Variants in SETBP1 observed in about 807,000 individuals in gnomAD.
SETBP1 encodes the protein SET-binding protein.
A neutral mutation model predicts 101.0 loss-of-function variants in SETBP1; 9 were observed. The observed-to-expected ratio is 0.09, with a 90% CI of 0.05 to 0.16. The LOEUF is 0.16. Ranked by LOEUF, SETBP1 falls within the 10% of genes least tolerant of loss-of-function variation. The pLI, the probability that SETBP1 is intolerant of heterozygous loss-of-function variation, is 1.00. For synonymous variants in SETBP1, 818 were observed against 788.5 expected (o/e 1.04, Z -0.63); for missense variants, 1,858 against 2,033.8 (o/e 0.91, Z 1.66).
At chr18:45,027,068 T>C (rs2073180987) in intron 4 of SETBP1, among the ~76,000 whole-genome samples, 2 of 152,208 alleles carry the variant, frequency 1.3e-5, no homozygotes, top group Admixed American at 1.3e-4. Flanking sequence ...ATGATGTCAT[T>C]GGACACTTCT....
At chr18:44,802,154 A>T (rs2071620379) in intron 2 of SETBP1, among the ~76,000 whole-genome samples, 1 of 151,904 alleles carries the variant, frequency 6.6e-6, no homozygotes, top group African/African-American at 2.4e-5. Context: ...TGCTTCCATC[A>T]TTTTTTTTGC....
At chr18:44,884,700 G>A (rs1172149102) in intron 3 of SETBP1, among the ~76,000 whole-genome samples, 2 of 152,184 alleles carry the variant, frequency 1.3e-5, no homozygotes, top group Non-Finnish European at 2.9e-5. Flanking sequence ...CATGGCAAAT[G>A]TGTCAGTGAA....
intron 4 of SETBP1, among the ~76,000 whole-genome samples, chr18:44,992,747 TAC>T (rs2072406404): frequency 6.6e-6 from 1 of 152,072 alleles, no homozygotes; most frequent in African/African-American, 2.4e-5. Flanking sequence ...CCAAACGTTT[TAC>T]AGTTAGTTCT....
At chr18:44,981,926 T>C (rs2072122329) in intron 4 of SETBP1, among the ~76,000 whole-genome samples, 1 of 152,222 alleles carries the variant, frequency 6.6e-6, no homozygotes, top group Non-Finnish European at 1.5e-5. Context: ...TGCTTCACTG[T>C]AGCATCTTTC....
At chr18:44,696,281 A>T (rs937362569) in intron 1 of SETBP1, among the ~76,000 whole-genome samples, 2 of 152,178 alleles carry the variant, frequency 1.3e-5, no homozygotes, top group South Asian at 4.1e-4. Context: ...ACTCAATAAT[A>T]ATACCTATGA....
At chr18:44,994,313 T>A (rs941650026) in intron 4 of SETBP1, among the ~76,000 whole-genome samples, 10 of 152,132 alleles carry the variant, frequency 6.6e-5, no homozygotes, top group Non-Finnish European at 1.3e-4. Flanking sequence ...CCAGGAAAAT[T>A]ACAATCAGGA....
At chr18:45,026,290 A>G (rs1413307922) in intron 4 of SETBP1, among the ~76,000 whole-genome samples, 1 of 152,196 alleles carries the variant, frequency 6.6e-6, no homozygotes, top group Non-Finnish European at 1.5e-5. Context: ...GGTTTCTTGA[A>G]GTCTCAGAAT....
At position 44,741,996 on chromosome 18, in the gene SETBP1, G is replaced by T. The variant is rs1278685296; in HGVS notation, c.486+40164G>T. The stretch of plus-strand genomic sequence containing the variant: ...ACGGAGGTGGAGGTGGGTGCAGCAC[G>T]CACAGATGTGTCTGTAGACTCCCCT... On this transcript the variant is annotated intron_variant, in intron 2 of 5. Transcript: ENST00000649279. Among the ~76,000 whole-genome samples, 2 of 152,158 alleles carry T rather than the reference G, an allele frequency of 1.3e-5. 1 individual carries two copies. The highest frequency in any genetic ancestry group is 1.3e-4 in the Admixed American group (2 of 15,284).
At chr18:44,975,074 A>G (rs1157604880) in intron 4 of SETBP1, among the ~76,000 whole-genome samples, 2 of 152,340 alleles carry the variant, frequency 1.3e-5, no homozygotes, top group Non-Finnish European at 2.9e-5. Context: ...GTGTGTAAAG[A>G]TCAGTAAGGG....
At chr18:44,693,773 A>T (rs1342775630) in intron 1 of SETBP1, among the ~76,000 whole-genome samples, 1 of 152,206 alleles carries the variant, frequency 6.6e-6, no homozygotes, top group East Asian at 1.9e-4. Flanking sequence ...ATCTTTTTAC[A>T]CCATTTGCTT....
At chr18:45,041,068 G>A (rs1192671233) in intron 5 of SETBP1, among the ~76,000 whole-genome samples, 2 of 152,198 alleles carry the variant, frequency 1.3e-5, no homozygotes, top group Non-Finnish European at 2.9e-5. Context: ...AAGAAACTGA[G>A]GCCTCTTGAG....
chr18:44,920,596 G>A (rs905789241), intron 3 of SETBP1, among the ~76,000 whole-genome samples: 1 of 152,072 alleles, frequency 6.6e-6, no homozygotes, highest in Non-Finnish European at 1.5e-5. Context: ...AAAAACAAGA[G>A]CCCAGTGGTT....
chr18:44,975,027 T>C (rs2071955607), intron 4 of SETBP1, among the ~76,000 whole-genome samples: 1 of 152,212 alleles, frequency 6.6e-6, no homozygotes, highest in Non-Finnish European at 1.5e-5. Context: ...CTTTATTAAC[T>C]TCTATACACG....
At chr18:44,767,194 C>G (rs763195895) in intron 2 of SETBP1, among the ~76,000 whole-genome samples, 6 of 152,214 alleles carry the variant, frequency 3.9e-5, no homozygotes, top group Non-Finnish European at 5.9e-5. Context: ...CTGGGGATGT[C>G]CAAGCACAGA....
intron 3 of SETBP1, among the ~76,000 whole-genome samples, chr18:44,906,482 G>T (rs1036385728): frequency 6.6e-6 from 1 of 152,100 alleles, no homozygotes; most frequent in East Asian, 1.9e-4. Flanking sequence ...GCTCACTTTC[G>T]TCAGGAGAGA....
intron 2 of SETBP1, among the ~76,000 whole-genome samples, chr18:44,794,134 G>A (rs1280243251): frequency 6.6e-6 from 1 of 152,130 alleles, no homozygotes; most frequent in East Asian, 1.9e-4. Context: ...CTAAATAAGA[G>A]GGGGAATGGG....
chr18:44,883,759 G>A (rs919807451), intron 3 of SETBP1, among the ~76,000 whole-genome samples: 4 of 152,204 alleles, frequency 2.6e-5, no homozygotes, highest in Non-Finnish European at 5.9e-5. Context: ...AGACACTGAG[G>A]CAGATTAAGG....
intron 3 of SETBP1, among the ~76,000 whole-genome samples, chr18:44,908,929 C>A (rs1288300299): frequency 6.6e-6 from 1 of 152,150 alleles, no homozygotes; most frequent in Admixed American, 6.5e-5. Flanking sequence ...CAATTTTAAT[C>A]CTCATTTTCA....
intron 4 of SETBP1, among the ~76,000 whole-genome samples, chr18:44,959,582 G>C (rs2145144618): frequency 6.6e-6 from 1 of 152,226 alleles, no homozygotes; most frequent in African/African-American, 2.4e-5. Flanking sequence ...ATAATTTAGG[G>C]GAAGAAACCA....
Sources: allele counts gnomAD v4.1 joint callset (sites outside exome capture counted in the v4.1 genomes callset), GRCh38; gene constraint gnomAD v4.1.1; transcripts MANE v1.5; gene names NCBI Gene and HGNC (gene_info 2026-07-23, HGNC 2026-07-21).